PRRX2: variants seen among roughly 807,000 people sequenced by gnomAD.
PRRX2 encodes the protein paired related homeobox 2.
PRRX2 carries 11 observed loss-of-function variants against 18.0 expected under a neutral mutation model. The observed-to-expected ratio is 0.61, with a 90% CI of 0.39 to 1.01. The LOEUF is 1.01. PRRX2 is among the 50% of genes least tolerant of loss of function. The pLI is 0.01. For missense variants in PRRX2, 387 were observed against 351.0 expected (o/e 1.10, Z -0.82); for synonymous variants, 177 against 154.8 (o/e 1.14, Z -1.06).
chr9:129,672,791 C>T (rs949626461), intron 1 of PRRX2, among the ~76,000 whole-genome samples: 5 of 152,168 alleles, frequency 3.3e-5, no homozygotes, highest in Admixed American at 6.5e-5. Flanking sequence ...TCCAGCTGCC[C>T]GGATGCACGA....
intron 1 of PRRX2, among the ~76,000 whole-genome samples, chr9:129,716,454 CTTTT>C (rs71497484): frequency 2.9e-5 from 4 of 137,146 alleles, no homozygotes; most frequent in Admixed American, 7.4e-5. Flanking sequence ...TGCTTTCTTT[CTTTT>C]TTTTTTTTTT....
intron 1 of PRRX2, among the ~76,000 whole-genome samples, chr9:129,713,416 G>A (rs900408046): frequency 6.6e-6 from 1 of 152,144 alleles, no homozygotes; most frequent in Non-Finnish European, 1.5e-5. Flanking sequence ...CTTCCTTTAG[G>A]ACGAAGAGGT....
rs913413106 is a variant in PRRX2 at position 129,675,182 on chromosome 9, G to A, written c.259+9056G>A. The stretch of plus-strand genomic sequence containing the variant: ...GTATACAGGAGAGGGAGGGGGCTGC[G>A]CTGAGGCTAAGCCCCAGCATCCCCA... On this transcript the variant is annotated intron_variant, in intron 1 of 3. Transcript: ENST00000372469. This position sits in a 1 kb window ranked among gnomAD's most constrained non-coding sequence, Gnocchi z 4.4. Among the ~76,000 whole-genome samples, 70 of 152,150 alleles carry A rather than the reference G, an allele frequency of 4.6e-4. No individual in the cohort carries two copies. The highest frequency in any genetic ancestry group is 9.0e-4 in the Non-Finnish European group (61 of 68,004).
intron 1 of PRRX2, among the ~76,000 whole-genome samples, chr9:129,694,221 G>A (rs531621959): frequency 2.2e-4 from 33 of 152,244 alleles, no homozygotes; most frequent in African/African-American, 7.7e-4. Context: ...GGAGTGCGGT[G>A]GCCTGATCCT....
intron 1 of PRRX2, among the ~76,000 whole-genome samples, chr9:129,674,920 C>T (rs910632138): frequency 6.6e-6 from 1 of 152,172 alleles, no homozygotes; most frequent in Non-Finnish European, 1.5e-5. Context: ...CCAGGTCCCA[C>T]CCTGACCCAC....
intron 1 of PRRX2, among the ~76,000 whole-genome samples, chr9:129,717,763 G>A (rs1564156109): frequency 6.6e-6 from 1 of 151,584 alleles, no homozygotes; most frequent in African/African-American, 2.4e-5. Context: ...GGGGAGGGGA[G>A]AGTATTTTGT....
At chr9:129,678,546 A>G (rs1166885251) in intron 1 of PRRX2, among the ~76,000 whole-genome samples, 1 of 152,034 alleles carries the variant, frequency 6.6e-6, no homozygotes, top group African/African-American at 2.4e-5. Flanking sequence ...GGACCTCAAG[A>G]ATGAGTGGAG....
At chr9:129,704,150 G>A (rs1054032590) in intron 1 of PRRX2, among the ~76,000 whole-genome samples, 10 of 152,220 alleles carry the variant, frequency 6.6e-5, no homozygotes, top group African/African-American at 2.2e-4. Flanking sequence ...GGAATGGTTC[G>A]TAGAGTTCCT....
chr9:129,681,506 C>G (rs1376850350), intron 1 of PRRX2, among the ~76,000 whole-genome samples: 1 of 151,854 alleles, frequency 6.6e-6, no homozygotes, highest in African/African-American at 2.4e-5. Context: ...GGCGACAGAG[C>G]AAGACTCCAT....
At chr9:129,721,085 G>A (rs1235550353) in intron 3 of PRRX2, among the ~76,000 whole-genome samples, 1 of 152,236 alleles carries the variant, frequency 6.6e-6, no homozygotes, top group Non-Finnish European at 1.5e-5. Flanking sequence ...GTCCACAGGG[G>A]TGTGAGTGTG....
intron 1 of PRRX2, among the ~76,000 whole-genome samples, chr9:129,710,221 C>T (rs745527221): frequency 3.3e-5 from 5 of 152,074 alleles, no homozygotes; most frequent in Non-Finnish European, 5.9e-5. Context: ...AAGCAGTGAC[C>T]CCAAAGAGGC....
At position 129,666,064 on chromosome 9, in the gene PRRX2, G is replaced by A. The variant is rs1052121052; in HGVS notation, c.197G>A (p.Arg66Gln). The part of the protein sequence containing the change: ...AARPGARAEA[R>Q]EGAAREPSGG... The stretch of plus-strand genomic sequence containing the variant: ...CGCCCCGGGGCCAGGGCCGAGGCGC[G>A]GGAGGGCGCAGCACGGGAGCCGTCC... The change falls in exon 1 of 4, where the codon CGG (arginine) becomes CAG (glutamine). Residue 66 changes from arginine to glutamine, a missense_variant. Transcript: ENST00000372469. 7.7e-6 allele frequency: 8 copies of A among 1,043,312 alleles called. No individual in the cohort carries two copies. Among genetic ancestry groups the A allele is most frequent in the Non-Finnish European group, 9.2e-6 (8 of 870,724 alleles). The allele number at this position is 1,043,312 out of a possible 1,614,324, so 64.6% of individuals were successfully genotyped here.
chr9:129,672,966 A>C (rs1832118814), intron 1 of PRRX2, among the ~76,000 whole-genome samples: 1 of 152,150 alleles, frequency 6.6e-6, no homozygotes, highest in South Asian at 2.1e-4. Context: ...TCAATCCTTG[A>C]GTTCCACTGC....
At chr9:129,708,541 GT>G (rs1179200479) in intron 1 of PRRX2, among the ~76,000 whole-genome samples, 1 of 152,132 alleles carries the variant, frequency 6.6e-6, no homozygotes, top group Non-Finnish European at 1.5e-5. Flanking sequence ...AGCTGTAAGG[GT>G]TCTTTATATT....
At chr9:129,704,939 A>G (rs1037308454) in intron 1 of PRRX2, among the ~76,000 whole-genome samples, 5 of 152,190 alleles carry the variant, frequency 3.3e-5, no homozygotes, top group African/African-American at 4.8e-5. Context: ...AGAAAACTTC[A>G]TCGTGGTCTG....
intron 1 of PRRX2, among the ~76,000 whole-genome samples, chr9:129,705,203 A>C: frequency 9.5e-6 from 1 of 105,628 alleles, no homozygotes; most frequent in African/African-American, 4.0e-5. Flanking sequence ...GGGTCTCAGG[A>C]ATAGAGAGAC....
In PRRX2 at chr9:129,722,364, A is replaced by C. The variant is rs28428946; in HGVS notation, c.*12A>C. On this transcript the variant is annotated 3_prime_UTR_variant, in exon 4 of 4. Transcript: ENST00000372469. ...CTACGGTGAACTGAAGTCCAGTCCC[A>C]CCAGGACCCAGACGCCTCCCTGGGT... The C allele has an allele frequency of 0.086, 138,096 of 1,612,862 alleles. 10,445 individuals carry two copies. The highest frequency in any genetic ancestry group is 0.33 in the African/African-American group (24,567 of 74,948).
chr9:129,692,844 A>C (rs2130919684), intron 1 of PRRX2, among the ~76,000 whole-genome samples: 1 of 152,328 alleles, frequency 6.6e-6, no homozygotes, highest in South Asian at 2.1e-4. Context: ...TTATGAACAG[A>C]GCTGCTATAA....
In PRRX2 at chr9:129,722,473, C is replaced by A; in HGVS notation, c.*121C>A. 4 of 1,193,136 alleles carry A rather than the reference C, an allele frequency of 3.4e-6. No homozygotes were observed. The highest frequency in any genetic ancestry group is 4.3e-6 in the Non-Finnish European group (4 of 921,054). 73.9% of individuals were successfully genotyped at this position (1,193,136 alleles called of 1,614,324 possible). ...TCCTGGCCCGTCTGTCCAGCCTGGA[C>A]TCCCGAGCCCACGAGGCTGTTGAGG... On this transcript the variant is annotated 3_prime_UTR_variant, in exon 4 of 4. Coordinates refer to ENST00000372469, the MANE Select transcript of PRRX2 (RefSeq NM_016307.4).
Sources: gnomAD v4.1 joint callset for allele counts (sites outside exome capture counted in the v4.1 genomes callset) on GRCh38, gnomAD v4.1.1 for gene constraint, Gnocchi (gnomAD v3.1) non-coding constraint, MANE v1.5 for transcripts, NCBI Gene and HGNC (gene_info 2026-07-23, HGNC 2026-07-21) for gene names.